Variants in NRG4 observed in about 807,000 individuals in gnomAD.
The protein encoded by NRG4 is neuregulin 4.
In NRG4, 10 loss-of-function variants were observed where a neutral mutation model predicts 15.0. That is an observed-to-expected ratio of 0.67 (90% confidence interval 0.41 to 1.13). The LOEUF (loss-of-function observed/expected upper bound fraction) is 1.13, where lower values mean the gene tolerates loss of function less well. NRG4 is among the 50% of genes most tolerant of loss of function. The probability of loss-of-function intolerance (pLI) is 0.00; values close to 1 mark genes in which losing one functional copy is unlikely to be tolerated. For synonymous variants in NRG4, 41 were observed against 50.1 expected, an observed-to-expected ratio of 0.82 and a Z score of 0.77; for missense variants, 139 against 140.2, an observed-to-expected ratio of 0.99 and a Z score of 0.04.
At position 75,941,952 on chromosome 15, in the gene NRG4, A is replaced by AC. The variant is rs1157184391; in HGVS notation, c.*1685_*1686insG. 5.8e-5 allele frequency: 7 copies of AC among 120,252 alleles called. No homozygotes were observed. In the South Asian group the frequency reaches 9.0e-4, roughly 16 times the overall value. 7.4% of individuals were successfully genotyped at this position (120,252 alleles called of 1,614,324 possible). A position where few individuals can be genotyped will look rare whatever the true frequency, so the allele number is the denominator to read the frequency against. On this transcript the variant is annotated 3_prime_UTR_variant, in exon 6 of 6. Transcript: ENST00000394907. ...ATTTTTAAACCACCAAAAAAAAAAA[A>AC]AAAAAAAAATATGGCCTAGCTTTTT...
upstream of NRG4, among the ~76,000 whole-genome samples, chr15:76,014,636 C>T (rs2034920292): frequency 6.6e-6 from 1 of 152,076 alleles, no homozygotes; most frequent in Admixed American, 6.6e-5. Context: ...TCAGGTTTGT[C>T]AAAGATCAGA....
intron 3 of NRG4, among the ~76,000 whole-genome samples, chr15:75,986,892 A>C (rs544613327): frequency 1.3e-5 from 2 of 152,322 alleles, no homozygotes; most frequent in African/African-American, 4.8e-5. Flanking sequence ...GGATGAACAC[A>C]TAAGAGAGAA....
In NRG4 at chr15:76,044,828, G is replaced by A. The variant is rs1172326803; in HGVS notation, c.-105+7239C>T. Among the ~76,000 whole-genome samples the A allele has an allele frequency of 9.8e-5, 14 of 142,398 alleles. No homozygotes were observed. The East Asian group carries it at 1.4e-3, about 14-fold the overall frequency. 93.4% of individuals were successfully genotyped at this position (142,398 alleles called of 152,430 possible). ...TGCACTCCAACCTGGGCGACAGAGC[G>A]AGACTCTGTCTCAAAAAAAAAAAAA... On this transcript the variant is annotated intron_variant, in intron 4 of 8. Coordinates refer to the NRG4 transcript ENST00000563910.
At chr15:75,940,407 T>TC (rs1172946257), downstream of NRG4, 7 of 151,250 alleles carry the variant, frequency 4.6e-5, no homozygotes, top group Non-Finnish European at 8.8e-5. Flanking sequence ...TCAGTACTAC[T>TC]CAAAGTGATG....
chr15:75,953,887 A>G (rs1391605858), intron 5 of NRG4, among the ~76,000 whole-genome samples: 2 of 152,078 alleles, frequency 1.3e-5, no homozygotes, highest in Non-Finnish European at 1.5e-5. Flanking sequence ...AGGTCTCACT[A>G]TGTTTCCCAG....
In NRG4 at chr15:75,977,621, G is replaced by A. The variant is rs960915249; in HGVS notation, c.105-15647C>T. On this transcript the variant is annotated intron_variant, in intron 3 of 5. Transcript: ENST00000394907. The surrounding 1 kb of genome is among the most constrained non-coding windows in gnomAD (Gnocchi z 4.9). ...GTGAGGTGACACCCCACCCTGCTTC[G>A]GCTCACCCTCTGTGGGCTGCATCGA... is the stretch of plus-strand genomic sequence containing the variant. 2.6e-5 allele frequency among the ~76,000 whole-genome samples: 4 copies of A among 152,034 alleles called. No individual in the cohort carries two copies. The highest frequency in any genetic ancestry group is 5.9e-5 in the Non-Finnish European group (4 of 68,008).
intron 4 of NRG4, among the ~76,000 whole-genome samples, chr15:76,044,663 G>A (rs530569787): frequency 4.0e-5 from 6 of 149,026 alleles, no homozygotes; most frequent in East Asian, 2.0e-4. Context: ...GTGAAACCCC[G>A]TCTCTACTAA....
chr15:76,009,267 G>A lies in NRG4; in HGVS notation c.37C>T (p.His13Tyr). ...CCCCCATTCAGGCAAAACGACTTGT[G>A]ACTGGGACCACAGGGCTCTTCGTGA... ...TDHEEPCGPS[H>Y]KSFCLNGGLC... Residue 13 changes from histidine to tyrosine, a missense_variant, in exon 3 of 6, where the codon CAC becomes TAC. Physicochemically the swap from His to Tyr is moderately conservative, Grantham distance 83. Coordinates refer to ENST00000394907, the MANE Select transcript of NRG4 (RefSeq NM_138573.4). 3.8e-6 allele frequency: 6 copies of A among 1,597,024 alleles called. No individual in the cohort carries two copies. Among genetic ancestry groups the A allele is most frequent in the Non-Finnish European group, 5.1e-6 (6 of 1,168,046 alleles).
chr15:76,051,230 C>T (rs976003329), intron 4 of NRG4, among the ~76,000 whole-genome samples: 1 of 149,554 alleles, frequency 6.7e-6, no homozygotes, highest in African/African-American at 2.5e-5. Flanking sequence ...TGGTCTCGAT[C>T]TCCTGACCTC....
intron 4 of NRG4, among the ~76,000 whole-genome samples, chr15:76,051,572 T>TC (rs1388038331): frequency 6.7e-6 from 1 of 149,294 alleles, no homozygotes; most frequent in African/African-American, 2.5e-5. Context: ...CTTCTTTTTT[T>TC]TTTTTTTTTG....
At chr15:76,032,811 A>G (rs1389695439) in intron 5 of NRG4, among the ~76,000 whole-genome samples, 2 of 152,242 alleles carry the variant, frequency 1.3e-5, no homozygotes, top group Non-Finnish European at 2.9e-5. Flanking sequence ...TGATGAACAA[A>G]AACATTTAAA....
intron 5 of NRG4, among the ~76,000 whole-genome samples, chr15:75,949,860 C>T (rs138083310): frequency 6.6e-6 from 1 of 152,212 alleles, no homozygotes; most frequent in Non-Finnish European, 1.5e-5. Context: ...ATTGCCTTGG[C>T]AGCTTTGTCA....
At chr15:75,945,499 C>T (rs1462096347) in intron 5 of NRG4, among the ~76,000 whole-genome samples, 3 of 152,082 alleles carry the variant, frequency 2.0e-5, no homozygotes, top group East Asian at 3.9e-4. Flanking sequence ...AGAATTTCTT[C>T]ATGGTTATTT....
At chr15:76,029,506 C>T (rs1012356263) in intron 5 of NRG4, among the ~76,000 whole-genome samples, 2 of 152,124 alleles carry the variant, frequency 1.3e-5, no homozygotes, top group African/African-American at 4.8e-5. Context: ...TTGCAGATGA[C>T]ATGATCTTCT....
intron 2 of NRG4, 133 bp from the exon 3 acceptor site, chr15:76,009,426 T>C: frequency 1.8e-6 from 1 of 543,462 alleles, no homozygotes. Context: ...TTTCTCAAAA[T>C]GAAAGATTTA....
At chr15:76,045,070 TAAGGAGTTCA>T (rs1486193907) in intron 4 of NRG4, among the ~76,000 whole-genome samples, 2 of 150,692 alleles carry the variant, frequency 1.3e-5, no homozygotes, top group Non-Finnish European at 2.9e-5. Flanking sequence ...CCAGAATATA[TAAGGAGTTCA>T]AACAACTCTA....
At chr15:76,034,078 G>C (rs902439357) in intron 5 of NRG4, among the ~76,000 whole-genome samples, 1 of 152,164 alleles carries the variant, frequency 6.6e-6, no homozygotes, top group South Asian at 2.1e-4. Flanking sequence ...CAACCCTACT[G>C]TCTCATCCAA....
At chr15:76,011,600 A>G (rs2034812963) in intron 1 of NRG4, among the ~76,000 whole-genome samples, 1 of 152,234 alleles carries the variant, frequency 6.6e-6, no homozygotes, top group African/African-American at 2.4e-5. Flanking sequence ...TTAACATAGT[A>G]GAGTACTACA....
At chr15:75,955,638 A>G (rs2032189121) in intron 5 of NRG4, among the ~76,000 whole-genome samples, 1 of 152,178 alleles carries the variant, frequency 6.6e-6, no homozygotes, top group Admixed American at 6.5e-5. Flanking sequence ...TCACTTCAAA[A>G]TATTTCTGAG....
Sources: gnomAD v4.1 joint callset for allele counts (sites outside exome capture counted in the v4.1 genomes callset) on GRCh38, gnomAD v4.1.1 for gene constraint, Gnocchi (gnomAD v3.1) non-coding constraint, MANE v1.5 for transcripts, NCBI Gene and HGNC (gene_info 2026-07-23, HGNC 2026-07-21) for gene names.